The following HMGB3 variants were observed in gnomAD, a reference collection of about 807,000 sequenced individuals.
HMGB3 encodes the protein high mobility group box 3, also known as high mobility group protein B3.
HMGB3 carries 1 observed loss-of-function variant against 12.9 expected under a neutral mutation model. The observed-to-expected ratio is 0.08, with a 90% CI of 0.03 to 0.37. The LOEUF is 0.37. Among genes scored for constraint, HMGB3 ranks in the 10% least tolerant of loss-of-function variants. The pLI, the probability that HMGB3 is intolerant of heterozygous loss-of-function variation, is 0.99. For synonymous variants in HMGB3, 61 were observed against 53.9 expected (o/e 1.13, Z -0.57); for missense variants, 74 against 153.3 (o/e 0.48, Z 2.73).
chrX:150,986,227 C>T, intron 3 of HMGB3, 37 bp downstream of exon 3: 1 of 1,077,833 alleles, frequency 9.3e-7, no homozygotes, highest in Middle Eastern at 2.6e-4. Flanking sequence ...CAATTAATAC[C>T]TTTTCTTCTG....
chrX:150,983,917 G>C (rs1317672569), intron 1 of HMGB3, among the ~76,000 whole-genome samples: 1 of 105,870 alleles, frequency 9.4e-6, no homozygotes, highest in Non-Finnish European at 2.0e-5. Context: ...CTTCGCTCCC[G>C]GGCTTGGCCC....
intron 2 of HMGB3, 60 bp downstream of exon 2, chrX:150,985,809 T>A: frequency 9.8e-7 from 1 of 1,024,899 alleles, no homozygotes; most frequent in Non-Finnish European, 1.3e-6. Context: ...TTGGGGTTAC[T>A]TACCTTCAGA....
In HMGB3 at chrX:150,986,168, C is replaced by G; in HGVS notation, c.268C>G (p.Pro90Ala). The change falls in exon 3 of 5, where the codon CCT becomes GCT. Residue 90 changes from proline to alanine, a missense_variant. Physicochemically the swap from Pro to Ala is conservative, Grantham distance 27. Coordinates refer to ENST00000325307, the MANE Select transcript of HMGB3 (RefSeq NM_005342.4). ...PAKGGKKKKD[P>A]NAPKRPPSGF... ...TAAGGGAGGCAAGAAGAAGAAGGAT[C>G]CTAATGCTCCCAAAAGGCCACCGTA... 8.4e-7 allele frequency: 1 copy of G among 1,194,520 alleles called. No individual in the cohort carries two copies. Among genetic ancestry groups the G allele is most frequent in the Non-Finnish European group, 1.1e-6 (1 of 887,099 alleles).
chrX:150,985,263 TTG>T (rs2048040627), intron 1 of HMGB3, among the ~76,000 whole-genome samples: 1 of 112,201 alleles, frequency 8.9e-6, no homozygotes, highest in African/African-American at 3.2e-5. Flanking sequence ...CCTTCCCACT[TTG>T]TGATTGTAGT....
rs1383564403 is a variant in HMGB3, at chrX:150,987,453, C to A, written c.465+151C>A. The A allele has an allele frequency of 1.0e-5, 5 of 477,481 alleles. No homozygotes were observed. In the East Asian group the frequency reaches 1.6e-4, roughly 15 times the overall value. The allele number at this position is 477,481 out of a possible 1,213,427, so 39.3% of individuals were successfully genotyped here. A position where few individuals can be genotyped will look rare whatever the true frequency, so the allele number is the denominator to read the frequency against. On this transcript the variant is annotated intron_variant, in intron 4 of 4. Coordinates refer to ENST00000325307, the MANE Select transcript of HMGB3 (RefSeq NM_005342.4). ...CAAGGTAGCTACGGGTGCTGGTGTT[C>A]ATGCTTTTTTTTGACAGGTCTTTGT...
chrX:150,983,640 TCGGCCCCCTCGGCGGACGCCCGCCCGTGG>T (rs1227179918), intron 1 of HMGB3: 1 of 731,373 alleles, frequency 1.4e-6, no homozygotes, highest in African/African-American at 2.3e-5. Context: ...CTTTCGGGGG[TCGGCCCCCTCGGCGGACGCCCGCCCGTGG>T]CGGCCCCAGG....
intron 1 of HMGB3, chrX:150,983,586 A>G: frequency 2.7e-6 from 2 of 750,758 alleles, no homozygotes; most frequent in Non-Finnish European, 3.1e-6. Context: ...GGAAGAAGCA[A>G]TTCAGGTGTT....
At chrX:150,983,627 C>G (rs1209435902) in intron 1 of HMGB3, 1 of 746,246 alleles carries the variant, frequency 1.3e-6, no homozygotes, top group African/African-American at 2.3e-5. Context: ...CCCGAGCTCC[C>G]CGCTTTCGGG....
intron 2 of HMGB3, 80 bp downstream of exon 2, chrX:150,985,829 A>G (rs995264417): frequency 5.5e-5 from 51 of 927,964 alleles, no homozygotes; most frequent in Non-Finnish European, 7.2e-5. Flanking sequence ...ATTTTCTCCC[A>G]GATAGCTGCT....
intron 4 of HMGB3, 138 bp downstream of exon 4, chrX:150,987,440 G>A: frequency 4.1e-6 from 2 of 492,641 alleles, no homozygotes; most frequent in Non-Finnish European, 6.4e-6. Flanking sequence ...AGGTAGCTAC[G>A]GGTGCTGGTG....
At chrX:150,985,222 A>G (rs1041716913) in intron 1 of HMGB3, among the ~76,000 whole-genome samples, 4 of 111,813 alleles carry the variant, frequency 3.6e-5, no homozygotes, top group East Asian at 2.8e-4. Context: ...TCAAGCTTCT[A>G]TCACCCCCAC....
rs1473840657 is a variant in HMGB3 at position 150,988,822 on chromosome X, C to G, written c.*908C>G. 8.9e-6 allele frequency: 1 copy of G among 112,314 alleles called. No individual in the cohort carries two copies. The highest frequency in any genetic ancestry group is 1.9e-5 in the Non-Finnish European group (1 of 53,250). The allele number at this position is 112,314 out of a possible 1,213,427, so 9.3% of individuals were successfully genotyped here. A position where few individuals can be genotyped will look rare whatever the true frequency, so the allele number is the denominator to read the frequency against. On this transcript the variant is annotated 3_prime_UTR_variant, in exon 5 of 5. Coordinates refer to ENST00000325307, the MANE Select transcript of HMGB3 (RefSeq NM_005342.4). ...TGACTCACAGCAGTGAACAAACCCC[C>G]ACTCCATTGTATTTGGAGACTGGCC...
Position 150,988,397 on chromosome X carries a change from G to A in HMGB3, c.*483G>A, listed in dbSNP as rs149812320. The A allele has an allele frequency of 6.0e-3, 691 of 114,240 alleles. 2 individuals are homozygous for A. The highest frequency in any genetic ancestry group is 8.7e-3 in the Non-Finnish European group (476 of 54,681). 9.4% of individuals were successfully genotyped at this position (114,240 alleles called of 1,213,427 possible). A position where few individuals can be genotyped will look rare whatever the true frequency, so the allele number is the denominator to read the frequency against. ...AGGCTGTGGGGAAGATGCCTTTTGGGAGAGGCTGTAGCTCAGGGCGTGCAC... is the reference window on the plus strand; with the variant it reads ...AGGCTGTGGGGAAGATGCCTTTTGGAAGAGGCTGTAGCTCAGGGCGTGCAC... On this transcript the variant is annotated 3_prime_UTR_variant, in exon 5 of 5. Coordinates refer to ENST00000325307, the MANE Select transcript of HMGB3 (RefSeq NM_005342.4).
intron 3 of HMGB3, 83 bp from the exon 4 acceptor site, chrX:150,987,045 G>A (rs1415003026): frequency 8.7e-6 from 6 of 686,852 alleles, no homozygotes; most frequent in Admixed American, 2.8e-5. Flanking sequence ...TGGTAGGAGG[G>A]AGATGCTTCT....
chrX:150,984,634 C>G, intron 1 of HMGB3: 1 of 703,399 alleles, frequency 1.4e-6, no homozygotes, highest in Non-Finnish European at 1.7e-6. Flanking sequence ...AGGTGAATTA[C>G]GGGTGTCCCG....
chrX:150,982,186 T>G (rs989316993), upstream of HMGB3, among the ~76,000 whole-genome samples: 18 of 112,004 alleles, frequency 1.6e-4, no homozygotes, highest in Admixed American at 1.7e-3. Context: ...AAGTGGAGTA[T>G]TTCTTCCTTG....
chrX:150,987,418 C>A, intron 4 of HMGB3, 116 bp downstream of exon 4: 1 of 571,034 alleles, frequency 1.8e-6, no homozygotes, highest in Non-Finnish European at 2.7e-6. Flanking sequence ...CTCAAGGGCC[C>A]ATCCCCCTGC....
chrX:150,986,259 G>T, intron 3 of HMGB3, 69 bp downstream of exon 3: 1 of 885,036 alleles, frequency 1.1e-6, no homozygotes, highest in Non-Finnish European at 1.5e-6. Context: ...TGGTTTTTTG[G>T]TCGTCCTGTA....
chrX:150,984,140 C>T (rs1377148699), intron 1 of HMGB3, among the ~76,000 whole-genome samples: 5 of 96,430 alleles, frequency 5.2e-5, no homozygotes, highest in South Asian at 9.2e-4. Context: ...GCCCGGCGGG[C>T]TCCGGCCTCG....
Sources: allele counts gnomAD v4.1 joint callset (sites outside exome capture counted in the v4.1 genomes callset), GRCh38; gene constraint gnomAD v4.1.1; transcripts MANE v1.5; gene names NCBI Gene and HGNC (gene_info 2026-07-23, HGNC 2026-07-21).